CTNNA3: variants seen among roughly 807,000 people sequenced by gnomAD.
The protein encoded by CTNNA3 is catenin alpha 3.
Under a neutral mutation model 95.7 loss-of-function variants are expected in CTNNA3, and 76 were observed. The observed-to-expected ratio is 0.79, with a 90% confidence interval of 0.66 to 0.96. The LOEUF is 0.96. CTNNA3 is among the 40% of genes least tolerant of loss of function. The probability of loss-of-function intolerance (pLI) is 0.00; values close to 1 mark genes in which losing one functional copy is unlikely to be tolerated. For synonymous variants in CTNNA3, 431 were observed against 374.4 expected, an observed-to-expected ratio of 1.15 and a Z score of -1.74; for missense variants, 1,191 against 1,089.8, an observed-to-expected ratio of 1.09 and a Z score of -1.31.
At chr10:66,206,645 C>A (rs1186394954) in intron 13 of CTNNA3, among the ~76,000 whole-genome samples, 1 of 151,666 alleles carries the variant, frequency 6.6e-6, no homozygotes, top group Non-Finnish European at 1.5e-5. Context: ...ACATATATAA[C>A]CCATATATTA....
chr10:66,395,287 C>A (rs146385820), intron 11 of CTNNA3, among the ~76,000 whole-genome samples: 22 of 152,142 alleles, frequency 1.4e-4, no homozygotes, highest in African/African-American at 5.1e-4. Context: ...GAGACAAATT[C>A]TCTTCAGCAT....
intron 9 of CTNNA3, among the ~76,000 whole-genome samples, chr10:66,652,254 TTAAG>T (rs1211261193): frequency 2.6e-5 from 4 of 151,838 alleles, no homozygotes; most frequent in African/African-American, 9.7e-5. Flanking sequence ...GGACAAATCT[TTAAG>T]TAGACTAATA....
intron 10 of CTNNA3, among the ~76,000 whole-genome samples, chr10:66,574,250 G>T (rs1314112164): frequency 6.6e-6 from 1 of 151,796 alleles, no homozygotes; most frequent in Non-Finnish European, 1.5e-5. Flanking sequence ...GAAGAAAAAA[G>T]GAAAAACAAT....
chr10:66,780,942 A>G (rs1353655904), intron 7 of CTNNA3, among the ~76,000 whole-genome samples: 1 of 152,208 alleles, frequency 6.6e-6, no homozygotes, highest in African/African-American at 2.4e-5. Context: ...GAAGAATTGT[A>G]GAATAATATG....
intron 9 of CTNNA3, among the ~76,000 whole-genome samples, chr10:66,649,523 G>A (rs1014385982): frequency 6.6e-6 from 1 of 152,142 alleles, no homozygotes; most frequent in African/African-American, 2.4e-5. Flanking sequence ...GAAGGAAAGT[G>A]AGCACCAAAC....
intron 12 of CTNNA3, among the ~76,000 whole-genome samples, chr10:66,378,433 C>T (rs1276114490): frequency 1.3e-5 from 2 of 152,046 alleles, no homozygotes; most frequent in African/African-American, 2.4e-5. Context: ...AAGGGTTTTC[C>T]CAGGAAGGAG....
chr10:66,412,162 C>T (rs1285879915), intron 11 of CTNNA3, among the ~76,000 whole-genome samples: 1 of 151,858 alleles, frequency 6.6e-6, no homozygotes, highest in African/African-American at 2.4e-5. Context: ...GATATTCCAG[C>T]AAGATAAAAA....
intron 5 of CTNNA3, among the ~76,000 whole-genome samples, chr10:67,283,872 T>C (rs1467862327): frequency 6.6e-6 from 1 of 152,208 alleles, no homozygotes; most frequent in African/African-American, 2.4e-5. Flanking sequence ...TGAACAATCA[T>C]ATTTCTACAG....
chr10:67,165,639 A>G (rs759537487), intron 7 of CTNNA3, among the ~76,000 whole-genome samples: 4 of 152,164 alleles, frequency 2.6e-5, no homozygotes, highest in Non-Finnish European at 5.9e-5. Context: ...ATCTATAATT[A>G]TTTCAAAATT....
chr10:66,758,445 A>G (rs1325525052), intron 9 of CTNNA3, among the ~76,000 whole-genome samples: 1 of 152,200 alleles, frequency 6.6e-6, no homozygotes, highest in Non-Finnish European at 1.5e-5. Context: ...TGAATTGATT[A>G]AAAAGAACAG....
intron 12 of CTNNA3, among the ~76,000 whole-genome samples, chr10:66,313,916 A>C (rs894846799): frequency 6.6e-6 from 1 of 152,212 alleles, no homozygotes; most frequent in African/African-American, 2.4e-5. Context: ...CTACAAGGTG[A>C]ATTTGGTAAA....
At chr10:66,380,617 CTATCTATCTA>C (rs1158250631) in intron 11 of CTNNA3, among the ~76,000 whole-genome samples, 4 of 114,780 alleles carry the variant, frequency 3.5e-5, no homozygotes, top group African/African-American at 1.7e-4. Flanking sequence ...ATCTATCTAT[CTATCTATCTA>C]TATATATATA....
chr10:66,836,691 A>G (rs1842898678), intron 7 of CTNNA3, among the ~76,000 whole-genome samples: 1 of 152,152 alleles, frequency 6.6e-6, no homozygotes, highest in African/African-American at 2.4e-5. Context: ...GTTCCTTTTT[A>G]AATATGGAAT....
At chr10:67,634,906 C>G (rs1446392500) in intron 2 of CTNNA3, among the ~76,000 whole-genome samples, 1 of 152,018 alleles carries the variant, frequency 6.6e-6, no homozygotes, top group African/African-American at 2.4e-5. Flanking sequence ...ATCATCAAGA[C>G]AGAAAATTAA....
At chr10:66,062,530 G>A (rs2080224303) in intron 15 of CTNNA3, among the ~76,000 whole-genome samples, 2 of 152,038 alleles carry the variant, frequency 1.3e-5, no homozygotes, top group Admixed American at 1.3e-4. Context: ...TTAACCCTCA[G>A]AAAAACATTA....
intron 5 of CTNNA3, among the ~76,000 whole-genome samples, chr10:67,426,654 C>T (rs916555772): frequency 4.6e-5 from 7 of 151,870 alleles, no homozygotes; most frequent in South Asian, 2.1e-4. Context: ...CGGGGCCTGT[C>T]GGGAGGTGGG....
chr10:66,779,969 C>G (rs759660057), intron 7 of CTNNA3, among the ~76,000 whole-genome samples: 2 of 151,892 alleles, frequency 1.3e-5, no homozygotes, highest in Admixed American at 1.3e-4. Flanking sequence ...GCAGCACTCT[C>G]AATAATGATG....
chr10:66,758,836 G>T (rs1200196324), intron 9 of CTNNA3, among the ~76,000 whole-genome samples: 1 of 152,104 alleles, frequency 6.6e-6, no homozygotes, highest in Non-Finnish European at 1.5e-5. Flanking sequence ...TTGGGAGACT[G>T]AGGCAGGAGA....
At chr10:67,414,451 A>C (rs755593059) in intron 5 of CTNNA3, among the ~76,000 whole-genome samples, 2 of 152,134 alleles carry the variant, frequency 1.3e-5, no homozygotes, top group Admixed American at 6.5e-5. Context: ...AGAACCTACC[A>C]AGCAAAAAAA....
Sources: allele counts gnomAD v4.1 joint callset (sites outside exome capture counted in the v4.1 genomes callset), GRCh38; gene constraint gnomAD v4.1.1; transcripts MANE v1.5; gene names NCBI Gene and HGNC (gene_info 2026-07-23, HGNC 2026-07-21).